PSME4: variants seen among roughly 807,000 people sequenced by gnomAD.
The protein encoded by PSME4 is proteasome activator complex subunit 4.
In PSME4, 89 loss-of-function variants were observed where a neutral mutation model predicts 253.9. The ratio of observed to expected loss-of-function variants is 0.35; its 90% CI spans 0.30 to 0.42. The LOEUF (loss-of-function observed/expected upper bound fraction) is 0.42, where lower values mean the gene tolerates loss of function less well. Ranked by LOEUF, PSME4 falls within the 10% of genes least tolerant of loss-of-function variation. PSME4 has a pLI of 1.00. For synonymous variants in PSME4, 851 were observed against 759.2 expected, an observed-to-expected ratio of 1.12 and a Z score of -1.99; for missense variants, 2,014 against 2,195.2, an observed-to-expected ratio of 0.92 and a Z score of 1.65.
intron 1 of PSME4, among the ~76,000 whole-genome samples, chr2:53,965,432 A>T (rs1233941009): frequency 6.6e-6 from 1 of 151,964 alleles, no homozygotes; most frequent in African/African-American, 2.4e-5. Flanking sequence ...GGGTTTCACC[A>T]TGTTGGCCAA....
chr2:53,933,681 C>T (rs805355), intron 8 of PSME4, among the ~76,000 whole-genome samples: 44,252 of 152,100 alleles, frequency 0.29, 6,844 homozygotes, highest in South Asian at 0.47. Flanking sequence ...GGCACTCAGC[C>T]ATATTTTCAC....
Position 53,897,905 on chromosome 2 carries a change from C to T in PSME4, c.3571G>A (p.Glu1191Lys). The T allele has an allele frequency of 6.2e-7, 1 of 1,613,764 alleles. No individual in the cohort carries two copies. Among genetic ancestry groups the T allele is most frequent in the African/African-American group, 1.3e-5 (1 of 75,008 alleles). The change falls in exon 31 of 47, where the codon GAG becomes AAG. Residue 1191 changes from glutamate (E) to lysine (K), a missense_variant. Glu to Lys is a moderately conservative substitution (Grantham distance 56). Transcript: ENST00000404125. ...LPLRAIRFFV[E>K]NLNHDAIVVR... Reference sequence around the variant, plus strand: ...ACAATTGCATCATGGTTGAGATTCTCAACAAAAAACCGTATGGCACGAAGA... The same window carrying T: ...ACAATTGCATCATGGTTGAGATTCTTAACAAAAAACCGTATGGCACGAAGA...
intron 39 of PSME4, among the ~76,000 whole-genome samples, 169 bp from the exon 40 acceptor site, chr2:53,887,636 T>C (rs1679701293): frequency 1.3e-5 from 2 of 152,180 alleles, no homozygotes. Flanking sequence ...GTATTAACAC[T>C]TAGGTGTTGT....
chr2:53,929,318 G>T (rs1668714787), intron 10 of PSME4, among the ~76,000 whole-genome samples: 1 of 152,076 alleles, frequency 6.6e-6, no homozygotes, highest in African/African-American at 2.4e-5. Context: ...CCTGGAGTCA[G>T]GGTTTTACTC....
At chr2:53,868,127 G>C (rs1470536816) in intron 44 of PSME4, among the ~76,000 whole-genome samples, 1 of 151,938 alleles carries the variant, frequency 6.6e-6, no homozygotes, top group African/African-American at 2.4e-5. Flanking sequence ...TGTAACAAAA[G>C]ACCTAAAAAT....
intron 3 of PSME4, 85 bp from the exon 4 acceptor site, chr2:53,940,085 C>A: frequency 9.7e-7 from 1 of 1,035,784 alleles, no homozygotes; most frequent in South Asian, 1.8e-5. Flanking sequence ...ATAAGATAAC[C>A]TCACACATTC....
In PSME4 at chr2:53,931,993, G is replaced by A; in HGVS notation, c.1158C>T (p.His386=). ...CTGTAACATCTTGATCAGTAAGCTT[G>A]TGGCTATCAGGCACAGGAGTTAACC... ...PSWLTPVPDS[H]KLTDQDVTDF... Residue 386 remains histidine, a synonymous_variant, in exon 10 of 47, where the codon CAC becomes CAT. Transcript: ENST00000404125. 1 of 1,614,046 alleles carries A rather than the reference G, an allele frequency of 6.2e-7. No individual in the cohort carries two copies. Among genetic ancestry groups the A allele is most frequent in the Non-Finnish European group, 8.5e-7 (1 of 1,179,892 alleles).
intron 3 of PSME4, among the ~76,000 whole-genome samples, chr2:53,942,684 G>A (rs1404511677): frequency 1.3e-5 from 2 of 152,162 alleles, no homozygotes; most frequent in South Asian, 4.1e-4. Context: ...GATAATAAAT[G>A]TTAATTATTA....
At chr2:53,876,871 C>A (rs1260256516) in intron 41 of PSME4, among the ~76,000 whole-genome samples, 1 of 151,518 alleles carries the variant, frequency 6.6e-6, no homozygotes, top group Non-Finnish European at 1.5e-5. Context: ...GCACGCACCA[C>A]CGTGTCCAGC....
chr2:53,914,047 C>T (rs554933312), intron 20 of PSME4, among the ~76,000 whole-genome samples: 25 of 151,970 alleles, frequency 1.6e-4, no homozygotes, highest in Admixed American at 1.6e-3. Flanking sequence ...TTTCTTTGAG[C>T]GAAAAGTTAG....
chr2:53,963,946 A>G (rs748815994), intron 1 of PSME4, among the ~76,000 whole-genome samples: 6 of 152,208 alleles, frequency 3.9e-5, no homozygotes, highest in Non-Finnish European at 5.9e-5. Flanking sequence ...ATAACTGGCC[A>G]TGAGTTAATT....
chr2:53,964,044 AAAT>A (rs374827106), intron 1 of PSME4, among the ~76,000 whole-genome samples: 1 of 152,178 alleles, frequency 6.6e-6, no homozygotes, highest in South Asian at 2.1e-4. Flanking sequence ...AAAAGAGTTT[AAAT>A]ATTAGAAAAC....
In PSME4 at chr2:53,970,590, G is replaced by A. The variant is rs1185618954; in HGVS notation, c.195C>T (p.Leu65=). Residue 65 remains leucine (L), a synonymous_variant, in exon 1 of 47, where the codon CTC becomes CTT. Coordinates refer to ENST00000404125, the MANE Select transcript of PSME4 (RefSeq NM_014614.3). ...IKCNLGRAVQ[L]QELWPGGLFW... Reference sequence around the variant, plus strand: ...AGAGGCCCCCGGGCCACAGCTCTTGGAGCTGCACGGCCCGGCCCAGGTTGC... The same window carrying A: ...AGAGGCCCCCGGGCCACAGCTCTTGAAGCTGCACGGCCCGGCCCAGGTTGC... 3.9e-6 allele frequency: 6 copies of A among 1,549,134 alleles called. 1 individual carries two copies. The South Asian group carries it at 6.0e-5, about 15-fold the overall frequency.
At chr2:53,889,638 A>G (rs1441478973) in intron 37 of PSME4, among the ~76,000 whole-genome samples, 2 of 152,242 alleles carry the variant, frequency 1.3e-5, no homozygotes, top group East Asian at 3.8e-4. Flanking sequence ...TAACAGTGAG[A>G]AAGCTGTTGT....
intron 1 of PSME4, among the ~76,000 whole-genome samples, chr2:53,955,713 G>C (rs1262076829): frequency 1.3e-5 from 2 of 152,276 alleles, no homozygotes; most frequent in East Asian, 3.9e-4. Flanking sequence ...CTCGAGTCCA[G>C]GAGTTTGAGA....
At chr2:53,940,950 T>C (rs1669387281) in intron 3 of PSME4, among the ~76,000 whole-genome samples, 1 of 16,428 alleles carries the variant, frequency 6.1e-5, no homozygotes, top group South Asian at 2.9e-3. Flanking sequence ...AATATATATA[T>C]ACATATATAT....
At chr2:53,911,689 G>A (rs1388609208) in intron 20 of PSME4, among the ~76,000 whole-genome samples, 2 of 151,970 alleles carry the variant, frequency 1.3e-5, no homozygotes, top group Admixed American at 1.3e-4. Flanking sequence ...GTTTTCTGAA[G>A]TAGAAATATA....
chr2:53,961,565 C>G (rs1352944163), intron 1 of PSME4, among the ~76,000 whole-genome samples: 1 of 152,080 alleles, frequency 6.6e-6, no homozygotes, highest in African/African-American at 2.4e-5. Flanking sequence ...GTGGTCCCAG[C>G]TACTCCAGAG....
At chr2:53,888,383 C>CTT (rs1386762366) in intron 38 of PSME4, 3 of 246,892 alleles carry the variant, frequency 1.2e-5, no homozygotes, top group Admixed American at 5.0e-5. Context: ...AATGATTACT[C>CTT]TTTCTTTGTA....
Sources: allele counts gnomAD v4.1 joint callset (sites outside exome capture counted in the v4.1 genomes callset), GRCh38; gene constraint gnomAD v4.1.1; transcripts MANE v1.5; gene names NCBI Gene and HGNC (gene_info 2026-07-23, HGNC 2026-07-21).